ROBO2: variants seen among roughly 807,000 people sequenced by gnomAD.
ROBO2 encodes the protein roundabout homolog 2.
A neutral mutation model predicts 160.8 loss-of-function variants in ROBO2; 53 were observed. That is an observed-to-expected ratio of 0.33 (90% confidence interval 0.26 to 0.41). The LOEUF is 0.41. Among genes scored for constraint, ROBO2 ranks in the 10% least tolerant of loss-of-function variants. The probability of loss-of-function intolerance (pLI) is 1.00; values close to 1 mark genes in which losing one functional copy is unlikely to be tolerated. For synonymous variants in ROBO2, 664 were observed against 611.7 expected (o/e 1.09, Z -1.26); for missense variants, 1,577 against 1,722.4 (o/e 0.92, Z 1.49).
At chr3:76,248,344 A>G (rs963063265) in intron 2 of ROBO2, among the ~76,000 whole-genome samples, 3 of 151,962 alleles carry the variant, frequency 2.0e-5, no homozygotes, top group Admixed American at 6.6e-5. Flanking sequence ...CTTTGTAGGG[A>G]CATGGATGAA....
chr3:76,252,523 A>G (rs1706071090), intron 2 of ROBO2, among the ~76,000 whole-genome samples: 1 of 152,016 alleles, frequency 6.6e-6, no homozygotes, highest in African/African-American at 2.4e-5. Context: ...TCTCCAGAGA[A>G]ACAATTCCAA....
At chr3:77,648,610 CAGGT>C (rs2095428224) in exon 26 of ROBO2, 1 of 152,130 alleles carries the variant, frequency 6.6e-6, no homozygotes, top group South Asian at 2.1e-4. Context: ...ATATCACCCT[CAGGT>C]AGATTGAGGG....
intron 2 of ROBO2, among the ~76,000 whole-genome samples, chr3:76,094,630 C>A (rs1022263190): frequency 1.3e-5 from 2 of 152,162 alleles, no homozygotes; most frequent in African/African-American, 4.8e-5. Context: ...CCCATTGTTT[C>A]TTTGAAAGCA....
At chr3:77,539,471 T>C (rs1050322345) in intron 6 of ROBO2, among the ~76,000 whole-genome samples, 6 of 152,098 alleles carry the variant, frequency 3.9e-5, no homozygotes. Context: ...TTTCAAACAC[T>C]ATATTTACTA....
At chr3:76,486,464 A>G (rs1315126012) in intron 2 of ROBO2, among the ~76,000 whole-genome samples, 1 of 152,152 alleles carries the variant, frequency 6.6e-6, no homozygotes, top group Non-Finnish European at 1.5e-5. Flanking sequence ...TTTAGATGCA[A>G]CACCTATCCT....
chr3:76,008,736 ATT>A (rs5850226), intron 2 of ROBO2, among the ~76,000 whole-genome samples: 5 of 151,160 alleles, frequency 3.3e-5, no homozygotes, highest in Admixed American at 2.0e-4. Context: ...GGTAGAAGGG[ATT>A]TTTTTTTTTC....
chr3:77,462,337 G>T (rs1021908035), intron 2 of ROBO2, among the ~76,000 whole-genome samples: 2 of 152,084 alleles, frequency 1.3e-5, no homozygotes, highest in African/African-American at 2.4e-5. Context: ...AATGTTAAAT[G>T]AAAAGAAATG....
At chr3:77,089,244 CCTT>C (rs1194721915) in intron 1 of ROBO2, among the ~76,000 whole-genome samples, 1 of 152,090 alleles carries the variant, frequency 6.6e-6, no homozygotes, top group Non-Finnish European at 1.5e-5. Flanking sequence ...ACAAGTATAT[CCTT>C]CTAGTTTTGG....
chr3:76,983,245 C>T (rs1409832997), intron 2 of ROBO2, among the ~76,000 whole-genome samples: 3 of 151,964 alleles, frequency 2.0e-5, no homozygotes, highest in Non-Finnish European at 4.4e-5. Context: ...CAAGATAGCG[C>T]CACTGCACTC....
At chr3:77,375,820 C>T (rs1235300522) in intron 2 of ROBO2, among the ~76,000 whole-genome samples, 1 of 149,408 alleles carries the variant, frequency 6.7e-6, no homozygotes, top group Non-Finnish European at 1.5e-5. Flanking sequence ...TCACTGCTCA[C>T]ACTTTCTCAC....
At chr3:76,342,600 C>T (rs572723384) in intron 2 of ROBO2, among the ~76,000 whole-genome samples, 3 of 152,054 alleles carry the variant, frequency 2.0e-5, no homozygotes, top group Non-Finnish European at 4.4e-5. Context: ...CTCTATCTTC[C>T]AAGGCTGTTC....
chr3:77,151,380 C>T (rs1299458817), intron 2 of ROBO2, among the ~76,000 whole-genome samples: 1 of 151,910 alleles, frequency 6.6e-6, no homozygotes, highest in African/African-American at 2.4e-5. Context: ...AATAGGAATC[C>T]CTTACTTAAG....
At chr3:77,381,352 A>G (rs2073437965) in intron 2 of ROBO2, among the ~76,000 whole-genome samples, 1 of 151,972 alleles carries the variant, frequency 6.6e-6, no homozygotes, top group African/African-American at 2.4e-5. Flanking sequence ...GGATTCTTAC[A>G]CTTCCTGTTT....
At position 77,221,858 on chromosome 3, in the gene ROBO2, T is replaced by TTC. The variant is rs1170505017; in HGVS notation, c.388+123519_388+123520insCT. 7.6e-4 allele frequency among the ~76,000 whole-genome samples: 108 copies of TTC among 142,680 alleles called. 1 individual carries two copies. Among genetic ancestry groups the TTC allele is most frequent in the Non-Finnish European group, 1.0e-3 (65 of 63,846 alleles). 93.6% of individuals were successfully genotyped at this position (142,680 alleles called of 152,430 possible). On this transcript the variant is annotated intron_variant, in intron 2 of 25. Transcript: ENST00000461745. ...TTTTCTTTTCTTTTTCTTTTTCTTT[T>TTC]TTTTTTTTTTTTTGAGACAGAGTCT... is the stretch of plus-strand genomic sequence containing the variant.
chr3:76,273,638 G>A (rs1222935537), intron 2 of ROBO2, among the ~76,000 whole-genome samples: 4 of 152,050 alleles, frequency 2.6e-5, no homozygotes, highest in Non-Finnish European at 5.9e-5. Flanking sequence ...GATCTCATGA[G>A]AACTCACTCA....
intron 2 of ROBO2, among the ~76,000 whole-genome samples, chr3:76,926,750 T>A (rs887096579): frequency 6.6e-6 from 1 of 152,202 alleles, no homozygotes; most frequent in Non-Finnish European, 1.5e-5. Context: ...ATAGTGTGAA[T>A]GAAGCTGCAG....
At chr3:77,371,354 C>T (rs1386172258) in intron 2 of ROBO2, among the ~76,000 whole-genome samples, 1 of 152,130 alleles carries the variant, frequency 6.6e-6, no homozygotes, top group Non-Finnish European at 1.5e-5. Flanking sequence ...AAGTCTTTAT[C>T]CTCTTTCTAT....
chr3:77,649,842 A>T (rs569116642), exon 26 of ROBO2: 46 of 152,248 alleles, frequency 3.0e-4, no homozygotes, highest in Middle Eastern at 3.4e-3. Context: ...CAAAATCTTA[A>T]TGTGTTTCAT....
chr3:77,240,304 C>T (rs757447187), intron 2 of ROBO2, among the ~76,000 whole-genome samples: 38 of 152,140 alleles, frequency 2.5e-4, no homozygotes, highest in Admixed American at 9.2e-4. Flanking sequence ...GGGGACCCGG[C>T]GCTCCCTCTG....
Sources: gnomAD v4.1 joint callset for allele counts (sites outside exome capture counted in the v4.1 genomes callset) on GRCh38, gnomAD v4.1.1 for gene constraint, MANE v1.5 for transcripts, NCBI Gene and HGNC (gene_info 2026-07-23, HGNC 2026-07-21) for gene names.